The following RGL3 variants were observed in gnomAD, a reference collection of about 807,000 sequenced individuals.
The protein encoded by RGL3 is ral guanine nucleotide dissociation stimulator-like 3.
RGL3 carries 85 observed loss-of-function variants against 90.6 expected under a neutral mutation model. That is an observed-to-expected ratio of 0.94 (90% confidence interval 0.79 to 1.12). The LOEUF is 1.12. Ranked by LOEUF, RGL3 falls within the 50% of genes most tolerant of loss-of-function variation. RGL3 has a pLI of 0.00. For missense variants in RGL3, 1,034 were observed against 939.2 expected, an observed-to-expected ratio of 1.10 and a Z score of -1.32; for synonymous variants, 408 against 385.5, an observed-to-expected ratio of 1.06 and a Z score of -0.68.
At chr19:11,415,487 T>A (rs894211779) in intron 5 of RGL3, among the ~76,000 whole-genome samples, 4 of 152,200 alleles carry the variant, frequency 2.6e-5, no homozygotes, top group African/African-American at 9.6e-5. Context: ...AATTTGTTTT[T>A]TTTTTTAGAC....
At position 11,405,220 on chromosome 19, in the gene RGL3, G is replaced by A; in HGVS notation, c.1112C>T (p.Ser371Phe). ...SWGAVSREPL[S>F]TFRKLSQIFS... ...AATCTGCGAAAGTTTCCTGAAAGTA[G>A]ATAGCGGTTCCCTGGAAGGACAGGA... The change falls in exon 9 of 19, where the codon TCT (serine) becomes TTT (phenylalanine). Residue 371 changes from serine to phenylalanine, a missense_variant. Ser to Phe is a radical substitution (Grantham distance 155, BLOSUM62 -2). Transcript: ENST00000380456. The A allele has an allele frequency of 3.1e-6, 5 of 1,614,130 alleles. No individual in the cohort carries two copies. The highest frequency in any genetic ancestry group is 4.2e-6 in the Non-Finnish European group (5 of 1,179,996).
intron 16 of RGL3, among the ~76,000 whole-genome samples, chr19:11,398,819 C>T (rs570948211): frequency 3.4e-4 from 51 of 152,094 alleles, no homozygotes; most frequent in Non-Finnish European, 6.5e-4. Context: ...TACAGGTGTG[C>T]GCGACCATAC....
rs765388303 is a variant in RGL3, at chr19:11,400,115, A to G, written c.1581-7T>C. 6.2e-7 allele frequency: 1 copy of G among 1,607,604 alleles called. No homozygotes were observed. Among genetic ancestry groups the G allele is most frequent in the Non-Finnish European group, 8.5e-7 (1 of 1,177,032 alleles). ...TTTCTCTCGGGCAAGCTTCCTAAGGATGGGGACAGGGGATGAGGCTAAGGC... is the reference window on the plus strand; with the variant it reads ...TTTCTCTCGGGCAAGCTTCCTAAGGGTGGGGACAGGGGATGAGGCTAAGGC... On this transcript the variant is annotated splice_region_variant and splice_polypyrimidine_tract_variant and intron_variant, in intron 14 of 18. Transcript: ENST00000380456.
At chr19:11,409,493 AAAACAAAAC>A (rs796353573) in intron 5 of RGL3, among the ~76,000 whole-genome samples, 8 of 152,288 alleles carry the variant, frequency 5.3e-5, no homozygotes, top group Admixed American at 2.0e-4. Flanking sequence ...AAAACAAAAC[AAAACAAAAC>A]AAACAAACAA....
At chr19:11,416,419 T>C (rs1968999174) in intron 4 of RGL3, 195 bp downstream of exon 4, 1 of 665,076 alleles carries the variant, frequency 1.5e-6, no homozygotes, top group East Asian at 2.6e-5. Flanking sequence ...GGATGGTCTC[T>C]AACTCCTGAC....
chr19:11,401,683 G>A (rs931601685), intron 13 of RGL3, among the ~76,000 whole-genome samples: 2 of 151,700 alleles, frequency 1.3e-5, no homozygotes, highest in African/African-American at 2.4e-5. Flanking sequence ...TTACAGGTGT[G>A]AGCCACCGTG....
chr19:11,394,843 G>A (rs772271071), intron 18 of RGL3, among the ~76,000 whole-genome samples: 4 of 151,894 alleles, frequency 2.6e-5, no homozygotes, highest in African/African-American at 4.8e-5. Context: ...TAATCCCAGC[G>A]CTTTGGGAGG....
chr19:11,405,494 CTTTTTTTTTTTTTTTTTTTT>C (rs771398199), intron 7 of RGL3, 68 bp from the exon 8 acceptor site: 3,618 of 162,120 alleles, frequency 0.022, 3 homozygotes, highest in South Asian at 0.05. Context: ...ACTTCTTCAT[CTTTTTTTTTTTTTTTTTTTT>C]TTTTTTTTTT....
chr19:11,406,354 G>C, intron 7 of RGL3, 65 bp downstream of exon 7: 1 of 1,428,470 alleles, frequency 7.0e-7, no homozygotes, highest in Admixed American at 2.0e-5. Flanking sequence ...TCTCTCCGGA[G>C]CCCTCATTTT....
chr19:11,406,288 A>T, intron 7 of RGL3, 131 bp downstream of exon 7: 1 of 898,408 alleles, frequency 1.1e-6, no homozygotes, highest in Non-Finnish European at 1.7e-6. Flanking sequence ...CCCAAGTCTC[A>T]CCCTAGGTAT....
At chr19:11,419,072 C>G (rs1029184603) in intron 1 of RGL3, among the ~76,000 whole-genome samples, 174 bp downstream of exon 1, 3 of 152,208 alleles carry the variant, frequency 2.0e-5, no homozygotes, top group Non-Finnish European at 4.4e-5. Context: ...ACTCGCGCCC[C>G]CATCCCTAAG....
At position 11,404,266 on chromosome 19, in the gene RGL3, G is replaced by A. The variant is rs140103100; in HGVS notation, c.1185+881C>T. Among the ~76,000 whole-genome samples the A allele has an allele frequency of 3.9e-3, 589 of 152,296 alleles. 6 individuals carry two copies. Among genetic ancestry groups the A allele is most frequent in the African/African-American group, 0.013 (532 of 41,572 alleles). ...AATTTGGCTGGGAGTGATGGCTCAC[G>A]CCTGTAATCCCAGCACTTTGGGAAG... On this transcript the variant is annotated intron_variant, in intron 9 of 18. Coordinates refer to ENST00000380456, the MANE Select transcript of RGL3 (RefSeq NM_001035223.4).
intron 5 of RGL3, among the ~76,000 whole-genome samples, chr19:11,414,249 TTA>T (rs535470484): frequency 1.5e-4 from 12 of 78,462 alleles, no homozygotes; most frequent in Non-Finnish European, 2.4e-4. Flanking sequence ...ATATATACCT[TTA>T]TATATATACC....
intron 5 of RGL3, among the ~76,000 whole-genome samples, chr19:11,411,776 C>T (rs796888026): frequency 6.3e-4 from 96 of 152,214 alleles, no homozygotes; most frequent in African/African-American, 2.2e-3. Flanking sequence ...GCAGTCACCA[C>T]CATGCCCAGC....
In RGL3 at chr19:11,399,839, C is replaced by T; in HGVS notation, c.1746+16G>A. On this transcript the variant is annotated intron_variant, in intron 16 of 18. Coordinates refer to ENST00000380456, the MANE Select transcript of RGL3 (RefSeq NM_001035223.4). Reference sequence around the variant, plus strand: ...GTGCCCGCAGGCCCGCATGCACACACAAGCCGTCTTGGTACCTTGGTGCTG... The same window carrying T: ...GTGCCCGCAGGCCCGCATGCACACATAAGCCGTCTTGGTACCTTGGTGCTG... The T allele has an allele frequency of 2.1e-6, 3 of 1,431,500 alleles. No individual in the cohort carries two copies. The highest frequency in any genetic ancestry group is 2.9e-5 in the South Asian group (2 of 69,266). 88.7% of individuals were successfully genotyped at this position (1,431,500 alleles called of 1,614,324 possible). A position where few individuals can be genotyped will look rare whatever the true frequency, so the allele number is the denominator to read the frequency against.
Position 11,397,278 on chromosome 19 carries a change from G to C in RGL3, c.1980C>G (p.Asp660Glu). The change falls in exon 18 of 19, where the codon GAC becomes GAG. Residue 660 changes from aspartate to glutamate, a missense_variant. Physicochemically the swap from Asp to Glu is conservative, Grantham distance 45. Coordinates refer to ENST00000380456, the MANE Select transcript of RGL3 (RefSeq NM_001035223.4). Reference sequence around the variant, plus strand: ...CAGGAAGGACTTGAAAGAGCTGATAGTCACAGGCCCAGGGCTGGGGCACAT... The same window carrying C: ...CAGGAAGGACTTGAAAGAGCTGATACTCACAGGCCCAGGGCTGGGGCACAT... ...KHNVPQPWAC[D>E]YQLFQVLPGD... is the part of the protein sequence containing the mutation. The C allele has an allele frequency of 6.2e-7, 1 of 1,613,986 alleles. No homozygotes were observed. Among genetic ancestry groups the C allele is most frequent in the African/African-American group, 1.3e-5 (1 of 75,054 alleles).
intron 9 of RGL3, among the ~76,000 whole-genome samples, chr19:11,404,216 G>T (rs1016784120): frequency 3.3e-5 from 5 of 152,190 alleles, no homozygotes; most frequent in African/African-American, 1.2e-4. Flanking sequence ...CAGGAAAACA[G>T]GGTTTCACTC....
chr19:11,409,108 A>G (rs1968830670), intron 5 of RGL3, among the ~76,000 whole-genome samples: 1 of 148,880 alleles, frequency 6.7e-6, no homozygotes, highest in South Asian at 2.2e-4. Context: ...TAGAAGGTGG[A>G]GGTTGCAGTG....
intron 5 of RGL3, chr19:11,411,321 G>A (rs1311973463): frequency 6.6e-6 from 1 of 152,022 alleles, no homozygotes; most frequent in African/African-American, 2.4e-5. Context: ...CTATCGCCTG[G>A]AGTGCAGGGG....
Sources: allele counts gnomAD v4.1 joint callset (sites outside exome capture counted in the v4.1 genomes callset), GRCh38; gene constraint gnomAD v4.1.1; transcripts MANE v1.5; gene names NCBI Gene and HGNC (gene_info 2026-07-23, HGNC 2026-07-21).